SEPTIN11: variants seen among roughly 807,000 people sequenced by gnomAD.
SEPTIN11 encodes septin-11.
SEPTIN11 carries 25 observed loss-of-function variants against 51.4 expected under a neutral mutation model. That is an observed-to-expected ratio of 0.49 (90% CI 0.35 to 0.68). The LOEUF (loss-of-function observed/expected upper bound fraction) is 0.68. Among genes scored for constraint, SEPTIN11 ranks in the 30% least tolerant of loss-of-function variants. The pLI is 0.00. For missense variants in SEPTIN11, 381 were observed against 520.8 expected (o/e 0.73, Z 2.61); for synonymous variants, 174 against 184.1 (o/e 0.95, Z 0.44).
chr4:77,028,602 T>C (rs371689082), intron 7 of SEPTIN11, 27 bp from the exon 8 acceptor site: 7 of 1,568,948 alleles, frequency 4.5e-6, no homozygotes, highest in Non-Finnish European at 6.0e-6. Context: ...TTCATGATGC[T>C]GTCCTTCGTT....
intron 8 of SEPTIN11, among the ~76,000 whole-genome samples, chr4:77,029,278 A>T (rs1726416881): frequency 6.6e-6 from 1 of 152,072 alleles, no homozygotes; most frequent in African/African-American, 2.4e-5. Context: ...GGCCAGATTA[A>T]CTGCTTCCTA....
intron 1 of SEPTIN11, among the ~76,000 whole-genome samples, chr4:76,983,137 C>T (rs1266489942): frequency 6.6e-6 from 1 of 152,142 alleles, no homozygotes; most frequent in Non-Finnish European, 1.5e-5. Context: ...ATATCACTCC[C>T]ACAGGTAGGT....
intron 2 of SEPTIN11, among the ~76,000 whole-genome samples, chr4:77,001,086 G>A (rs1203178409): frequency 6.6e-6 from 1 of 152,086 alleles, no homozygotes; most frequent in Non-Finnish European, 1.5e-5. Context: ...CTTAGAGCTC[G>A]TAGGTTAAAT....
In SEPTIN11 at chr4:77,036,101, TAGAGG is replaced by T. The variant is rs1391158738; in HGVS notation, c.*1591_*1595del. ...CCTTTTCTTTGTCCTCAACCATACT[TAGAGG>T]AAAGAAGGAATGGTCTTCCATGAAC... is the stretch of plus-strand genomic sequence containing the variant. On this transcript the variant is annotated 3_prime_UTR_variant, in exon 10 of 10. Transcript: ENST00000264893. 18 of 985,754 alleles carry T rather than the reference TAGAGG, an allele frequency of 1.8e-5. No individual in the cohort carries two copies. In the African/African-American group the frequency reaches 3.0e-4, roughly 16 times the overall value. The allele number at this position is 985,754 out of a possible 1,614,324, so 61.1% of individuals were successfully genotyped here.
chr4:77,009,728 G>T (rs1025840613), intron 3 of SEPTIN11: 8 of 152,214 alleles, frequency 5.3e-5, no homozygotes, highest in African/African-American at 1.9e-4. Flanking sequence ...GAGAGGAGGA[G>T]GTGCTAAAAG....
At chr4:77,027,499 C>T (rs778263659) in intron 7 of SEPTIN11, among the ~76,000 whole-genome samples, 3 of 152,172 alleles carry the variant, frequency 2.0e-5, no homozygotes, top group Non-Finnish European at 2.9e-5. Flanking sequence ...TCTACATGCA[C>T]GTATGCTCCT....
chr4:76,983,433 T>G (rs555375277), intron 1 of SEPTIN11, among the ~76,000 whole-genome samples: 1 of 152,294 alleles, frequency 6.6e-6, no homozygotes, highest in South Asian at 2.1e-4. Flanking sequence ...GGAATGAGCT[T>G]GGAAGAGGGT....
At chr4:77,012,059 C>T (rs181009186) in intron 4 of SEPTIN11, 138 bp downstream of exon 4, 14 of 510,012 alleles carry the variant, frequency 2.7e-5, no homozygotes, top group South Asian at 1.2e-4. Flanking sequence ...ATGAGAAAAA[C>T]GCTTCAAAAC....
chr4:76,989,299 T>A (rs1008473219), intron 1 of SEPTIN11, among the ~76,000 whole-genome samples: 4 of 152,116 alleles, frequency 2.6e-5, no homozygotes, highest in Non-Finnish European at 4.4e-5. Context: ...TAAAAAAAAA[T>A]AAATTTTAAA....
intron 7 of SEPTIN11, among the ~76,000 whole-genome samples, chr4:77,025,713 T>C (rs1188540304): frequency 1.3e-5 from 2 of 152,182 alleles, no homozygotes; most frequent in African/African-American, 4.8e-5. Context: ...GATGCTATGG[T>C]TCTAAGTTAT....
chr4:76,960,598 C>T (rs1425619865), intron 1 of SEPTIN11, among the ~76,000 whole-genome samples: 1 of 152,160 alleles, frequency 6.6e-6, no homozygotes, highest in African/African-American at 2.4e-5. Context: ...TGAAGACTCT[C>T]ATTGACTTTA....
At chr4:76,973,699 C>T (rs186331770) in intron 1 of SEPTIN11, among the ~76,000 whole-genome samples, 13 of 152,252 alleles carry the variant, frequency 8.5e-5, no homozygotes, top group Admixed American at 2.0e-4. Flanking sequence ...AGTGTTAAAG[C>T]GGGTTAGAAC....
chr4:76,950,637 T>C (rs887036635), intron 1 of SEPTIN11, among the ~76,000 whole-genome samples: 1 of 151,952 alleles, frequency 6.6e-6, no homozygotes, highest in Non-Finnish European at 1.5e-5. Context: ...GCGTGAAGAA[T>C]CGAGTGCCCC....
intron 1 of SEPTIN11, among the ~76,000 whole-genome samples, chr4:76,975,048 A>G (rs537116771): frequency 4.0e-5 from 6 of 151,468 alleles, no homozygotes; most frequent in South Asian, 4.2e-4. Flanking sequence ...GCTTGAACCC[A>G]GAGGTTGCAG....
chr4:77,039,228 T>A, downstream of SEPTIN11: 1 of 1,236,288 alleles, frequency 8.1e-7, no homozygotes, highest in South Asian at 1.4e-5. Flanking sequence ...GGGTCAAATA[T>A]TGCACTGCTG....
At chr4:76,982,928 G>T (rs1244630577) in intron 1 of SEPTIN11, among the ~76,000 whole-genome samples, 1 of 151,022 alleles carries the variant, frequency 6.6e-6, no homozygotes, top group African/African-American at 2.4e-5. Flanking sequence ...ACAGTTGTGT[G>T]TTTTTTTTGT....
intron 2 of SEPTIN11, among the ~76,000 whole-genome samples, chr4:77,004,245 A>G (rs1724327065): frequency 6.6e-6 from 1 of 152,220 alleles, no homozygotes; most frequent in Non-Finnish European, 1.5e-5. Context: ...TCTGCTTTGC[A>G]CATGGGAGAT....
intron 8 of SEPTIN11, among the ~76,000 whole-genome samples, chr4:77,029,539 A>T (rs1199756199): frequency 6.6e-6 from 1 of 152,178 alleles, no homozygotes; most frequent in Non-Finnish European, 1.5e-5. Flanking sequence ...CTAAGCACTC[A>T]AGATGGTTTT....
At chr4:77,031,143 G>T (rs1449043085) in intron 9 of SEPTIN11, 173 bp downstream of exon 9, 4 of 617,532 alleles carry the variant, frequency 6.5e-6, no homozygotes, top group Non-Finnish European at 1.1e-5. Flanking sequence ...TTTTTAAAAG[G>T]TACACAAAGA....
Sources: gnomAD v4.1 joint callset for allele counts (sites outside exome capture counted in the v4.1 genomes callset) on GRCh38, gnomAD v4.1.1 for gene constraint, MANE v1.5 for transcripts, NCBI Gene and HGNC (gene_info 2026-07-23, HGNC 2026-07-21) for gene names.